Variants in LSM8 observed in about 807,000 individuals in gnomAD.
The protein encoded by LSM8 is LSM8 U6 small nuclear RNA associated.
In LSM8, 14 loss-of-function variants were observed where a neutral mutation model predicts 15.0. The observed-to-expected ratio is 0.93, with a 90% CI of 0.62 to 1.46. LSM8 has a LOEUF of 1.46. Among genes scored for constraint, LSM8 ranks in the 40% most tolerant of loss-of-function variants. The probability of loss-of-function intolerance (pLI) is 0.00; values close to 1 mark genes in which losing one functional copy is unlikely to be tolerated. For synonymous variants in LSM8, 50 were observed against 42.1 expected (o/e 1.19, Z -0.73); for missense variants, 90 against 115.4 (o/e 0.78, Z 1.01).
intron 2 of LSM8, among the ~76,000 whole-genome samples, chr7:118,187,984 C>CT (rs1043804286): frequency 1.3e-5 from 2 of 152,154 alleles, no homozygotes; most frequent in African/African-American, 4.8e-5. Context: ...TCTACATAAG[C>CT]TTTTATGCTA....
rs1361203065 is a variant in LSM8 at position 118,203,978 on chromosome 7, C to G, written c.*11976C>G. ...TAACAATGATTTGTAAATTTTAATA[C>G]TATAGATATATTGCTGTTAATTATT... On this transcript the variant is annotated 3_prime_UTR_variant, in exon 4 of 4. Transcript: ENST00000249299. Among the ~76,000 whole-genome samples the G allele has an allele frequency of 6.6e-6, 1 of 151,588 alleles. No homozygotes were observed. Among genetic ancestry groups the G allele is most frequent in the Non-Finnish European group, 1.5e-5 (1 of 67,720 alleles).
At position 118,192,226 on chromosome 7, in the gene LSM8, G is replaced by A; in HGVS notation, c.*224G>A. ...GTTTCTTTTTTTTATTAAATAGTGTGAAAATATAATGGGCATTTTGAAAAC... is the reference window on the plus strand; with the variant it reads ...GTTTCTTTTTTTTATTAAATAGTGTAAAAATATAATGGGCATTTTGAAAAC... On this transcript the variant is annotated 3_prime_UTR_variant, in exon 4 of 4. Transcript: ENST00000249299. 1 of 350,294 alleles carries A rather than the reference G, an allele frequency of 2.9e-6. No individual in the cohort carries two copies. 21.7% of individuals were successfully genotyped at this position (350,294 alleles called of 1,614,324 possible).
chr7:118,185,407 A>G (rs1049411182), intron 1 of LSM8: 1 of 411,064 alleles, frequency 2.4e-6, no homozygotes, highest in Non-Finnish European at 4.4e-6. Flanking sequence ...CTGGGACTAT[A>G]GGTCACCAGG....
At chr7:118,189,242 A>G (rs1808935709) in intron 3 of LSM8, 1 of 151,430 alleles carries the variant, frequency 6.6e-6, no homozygotes, top group Non-Finnish European at 1.5e-5. Flanking sequence ...CCTGGGTGAC[A>G]GATTGAGACA....
At position 118,196,804 on chromosome 7, in the gene LSM8, A is replaced by C. The variant is rs1299090794; in HGVS notation, c.*4802A>C. Among the ~76,000 whole-genome samples the C allele has an allele frequency of 6.6e-6, 1 of 151,004 alleles. No homozygotes were observed. Among genetic ancestry groups the C allele is most frequent in the Non-Finnish European group, 1.5e-5 (1 of 67,864 alleles). ...GAGTGCAGTGGTGCAATCTTGGCTC[A>C]CTACAACCTCCGCATCCTGGGTTCA... On this transcript the variant is annotated 3_prime_UTR_variant, in exon 4 of 4. Coordinates refer to ENST00000249299, the MANE Select transcript of LSM8 (RefSeq NM_016200.5).
Position 118,195,214 on chromosome 7 carries a change from A to G in LSM8, c.*3212A>G, listed in dbSNP as rs186585298. ...GGAATAGTCACTAAACAGCGAAGGAAAGTGGTGGAATTATTAAAAGACCTA... is the reference window on the plus strand; with the variant it reads ...GGAATAGTCACTAAACAGCGAAGGAGAGTGGTGGAATTATTAAAAGACCTA... On this transcript the variant is annotated 3_prime_UTR_variant, in exon 4 of 4. Transcript: ENST00000249299. Among the ~76,000 whole-genome samples, 1 of 152,276 alleles carries G rather than the reference A, an allele frequency of 6.6e-6. No homozygotes were observed. Among genetic ancestry groups the G allele is most frequent in the East Asian group, 1.9e-4 (1 of 5,186 alleles).
Position 118,193,649 on chromosome 7 carries a change from G to A in LSM8, c.*1647G>A, listed in dbSNP as rs1177330990. On this transcript the variant is annotated 3_prime_UTR_variant, in exon 4 of 4. Transcript: ENST00000249299. Reference sequence around the variant, plus strand: ...TAATAAAATGATGGAAAGTGGGTAAGGCAAACAGGCAAATTTAGGGACTGT... The same window carrying A: ...TAATAAAATGATGGAAAGTGGGTAAAGCAAACAGGCAAATTTAGGGACTGT... Among the ~76,000 whole-genome samples the A allele has an allele frequency of 3.3e-5, 5 of 152,022 alleles. No homozygotes were observed.
chr7:118,187,586 T>G (rs1474511143), intron 2 of LSM8, among the ~76,000 whole-genome samples: 1 of 152,240 alleles, frequency 6.6e-6, no homozygotes, highest in Non-Finnish European at 1.5e-5. Context: ...TTTATGGGAC[T>G]GATTTGAATC....
chr7:118,195,034 C>T lies in LSM8; in HGVS notation c.*3032C>T, dbSNP rs1809056626. Among the ~76,000 whole-genome samples the T allele has an allele frequency of 6.6e-6, 1 of 152,142 alleles. No individual in the cohort carries two copies. Among genetic ancestry groups the T allele is most frequent in the Non-Finnish European group, 1.5e-5 (1 of 68,010 alleles). On this transcript the variant is annotated 3_prime_UTR_variant, in exon 4 of 4. Coordinates refer to ENST00000249299, the MANE Select transcript of LSM8 (RefSeq NM_016200.5). The stretch of plus-strand genomic sequence containing the variant: ...TATAGTCTTAAAATCTGCTATCAAG[C>T]ATCTATCAGAAGCCTGATGAGAAAT...
In LSM8 at chr7:118,194,911, G is replaced by C. The variant is rs978732563; in HGVS notation, c.*2909G>C. Among the ~76,000 whole-genome samples, 9 of 152,066 alleles carry C rather than the reference G, an allele frequency of 5.9e-5. No individual in the cohort carries two copies. The highest frequency in any genetic ancestry group is 2.2e-4 in the African/African-American group (9 of 41,410). ...ATATGGGAAAATTGAGGCTCAGCAG[G>C]GTCAAGTGACTTGTAAGAGGTAGCA... is the stretch of plus-strand genomic sequence containing the variant. On this transcript the variant is annotated 3_prime_UTR_variant, in exon 4 of 4. Coordinates refer to ENST00000249299, the MANE Select transcript of LSM8 (RefSeq NM_016200.5).
At chr7:118,184,508 T>TA (rs1017970943) in intron 1 of LSM8, 20 of 398,822 alleles carry the variant, frequency 5.0e-5, no homozygotes, top group Middle Eastern at 6.5e-4. Flanking sequence ...TTTTCTGTCT[T>TA]AAAAAAAATG....
chr7:118,197,662 A>C lies in LSM8; in HGVS notation c.*5660A>C, dbSNP rs753242679. Among the ~76,000 whole-genome samples the C allele has an allele frequency of 2.1e-4, 32 of 152,198 alleles. No individual in the cohort carries two copies. Among genetic ancestry groups the C allele is most frequent in the Admixed American group, 5.9e-4 (9 of 15,280 alleles). ...ATCTGACTTGGATAAGCTTTATTTT[A>C]ATTGTGATTCTGCTAATTACAGAGA... On this transcript the variant is annotated 3_prime_UTR_variant, in exon 4 of 4. Transcript: ENST00000249299.
rs1314833709 is a variant in LSM8, at chr7:118,198,501, G to A, written c.*6499G>A. On this transcript the variant is annotated 3_prime_UTR_variant, in exon 4 of 4. Coordinates refer to ENST00000249299, the MANE Select transcript of LSM8 (RefSeq NM_016200.5). Reference sequence around the variant, plus strand: ...CAGAGATGACATGCCCGGTAAACTGGTGTTTGAAGGCAATATATAAAAGCT... The same window carrying A: ...CAGAGATGACATGCCCGGTAAACTGATGTTTGAAGGCAATATATAAAAGCT... Among the ~76,000 whole-genome samples the A allele has an allele frequency of 6.6e-6, 1 of 152,090 alleles. No individual in the cohort carries two copies. The highest frequency in any genetic ancestry group is 2.4e-5 in the African/African-American group (1 of 41,402).
In LSM8 at chr7:118,184,232, C is replaced by T; in HGVS notation, c.9C>T (p.Ser3=). ...CCGCCGGGCCGAACAGCATGACGTC[C>T]GCTTTGGAGAACTACATCAACCGTA... MT[S]ALENYINRTV... is the part of the protein sequence containing the mutation. Residue 3 remains serine (S), a synonymous_variant, in exon 1 of 4, where the codon TCC becomes TCT. Coordinates refer to ENST00000249299, the MANE Select transcript of LSM8 (RefSeq NM_016200.5). 3 of 1,540,562 alleles carry T rather than the reference C, an allele frequency of 1.9e-6. No individual in the cohort carries two copies. The highest frequency in any genetic ancestry group is 5.1e-5 in the East Asian group (2 of 39,274).
Position 118,195,815 on chromosome 7 carries a change from A to T in LSM8, c.*3813A>T, listed in dbSNP as rs1809068228. Among the ~76,000 whole-genome samples, 1 of 152,200 alleles carries T rather than the reference A, an allele frequency of 6.6e-6. No individual in the cohort carries two copies. Among genetic ancestry groups the T allele is most frequent in the African/African-American group, 2.4e-5 (1 of 41,454 alleles). On this transcript the variant is annotated 3_prime_UTR_variant, in exon 4 of 4. Coordinates refer to ENST00000249299, the MANE Select transcript of LSM8 (RefSeq NM_016200.5). ...TTGATAAAAATTCCTTTCTGTCTAC[A>T]TGTAATACTGAAAAAAATGTTGATA... is the stretch of plus-strand genomic sequence containing the variant.
chr7:118,190,225 G>C (rs1385838502), intron 3 of LSM8: 5 of 152,190 alleles, frequency 3.3e-5, no homozygotes, highest in Admixed American at 3.3e-4. Context: ...AAATATTTTA[G>C]AGATGACTTT....
In LSM8 at chr7:118,192,200, G is replaced by T. The variant is rs1483551605; in HGVS notation, c.*198G>T. Reference sequence around the variant, plus strand: ...TGCCTAAATATAAGTTTGGTAGCTTGGTTTCTTTTTTTTATTAAATAGTGT... The same window carrying T: ...TGCCTAAATATAAGTTTGGTAGCTTTGTTTCTTTTTTTTATTAAATAGTGT... On this transcript the variant is annotated 3_prime_UTR_variant, in exon 4 of 4. Coordinates refer to ENST00000249299, the MANE Select transcript of LSM8 (RefSeq NM_016200.5). The T allele has an allele frequency of 1.4e-5, 5 of 368,872 alleles. No individual in the cohort carries two copies. The highest frequency in any genetic ancestry group is 8.5e-5 in the South Asian group (1 of 11,782). The allele number at this position is 368,872 out of a possible 1,614,324, so 22.8% of individuals were successfully genotyped here.
At position 118,199,112 on chromosome 7, in the gene LSM8, C is replaced by G. The variant is rs1809127842; in HGVS notation, c.*7110C>G. Among the ~76,000 whole-genome samples, 3 of 152,192 alleles carry G rather than the reference C, an allele frequency of 2.0e-5. No individual in the cohort carries two copies. In the South Asian group the frequency reaches 6.2e-4, roughly 31 times the overall value. On this transcript the variant is annotated 3_prime_UTR_variant, in exon 4 of 4. Transcript: ENST00000249299. ...GGTTTCTCCTGATTTTCACCCTGCACACCTTTTCCATTTACTGATTTTAAT... is the reference window on the plus strand; with the variant it reads ...GGTTTCTCCTGATTTTCACCCTGCAGACCTTTTCCATTTACTGATTTTAAT...
rs1358930914 is a variant in LSM8 at position 118,193,651 on chromosome 7, CA to C, written c.*1652del. On this transcript the variant is annotated 3_prime_UTR_variant, in exon 4 of 4. Coordinates refer to ENST00000249299, the MANE Select transcript of LSM8 (RefSeq NM_016200.5). ...ATAAAATGATGGAAAGTGGGTAAGG[CA>C]AACAGGCAAATTTAGGGACTGTGAA... Among the ~76,000 whole-genome samples, 4 of 152,086 alleles carry C rather than the reference CA, an allele frequency of 2.6e-5. No individual in the cohort carries two copies. In the South Asian group the frequency reaches 8.3e-4, roughly 32 times the overall value.
Sources: allele counts gnomAD v4.1 joint callset (sites outside exome capture counted in the v4.1 genomes callset), GRCh38; gene constraint gnomAD v4.1.1; transcripts MANE v1.5; gene names NCBI Gene and HGNC (gene_info 2026-07-23, HGNC 2026-07-21).